The following FSIP1 variants were observed in gnomAD, a reference collection of about 807,000 sequenced individuals.
FSIP1 encodes fibrous sheath-interacting protein 1.
Under a neutral mutation model 60.9 loss-of-function variants are expected in FSIP1, and 65 were observed. The ratio of observed to expected loss-of-function variants is 1.07; its 90% CI spans 0.87 to 1.31. The LOEUF (loss-of-function observed/expected upper bound fraction) is 1.31, where lower values mean the gene tolerates loss of function less well. Among genes scored for constraint, FSIP1 ranks in the 40% most tolerant of loss-of-function variants. The pLI, the probability that FSIP1 is intolerant of heterozygous loss-of-function variation, is 0.00. For missense variants in FSIP1, 675 were observed against 665.5 expected (o/e 1.01, Z -0.16); for synonymous variants, 209 against 221.2 (o/e 0.94, Z 0.49).
intron 10 of FSIP1, among the ~76,000 whole-genome samples, chr15:39,626,880 G>A (rs909312706): frequency 1.3e-5 from 2 of 152,106 alleles, no homozygotes; most frequent in African/African-American, 4.8e-5. Context: ...CCAGAGACAT[G>A]AGCCCTTAAT....
intron 10 of FSIP1, among the ~76,000 whole-genome samples, chr15:39,635,821 C>T (rs1243723694): frequency 6.6e-6 from 1 of 152,122 alleles, no homozygotes; most frequent in African/African-American, 2.4e-5. Context: ...GGTGCTGCTG[C>T]TTAAGCTCTA....
intron 5 of FSIP1, among the ~76,000 whole-genome samples, chr15:39,755,263 G>T (rs1427440982): frequency 6.6e-6 from 1 of 152,044 alleles, no homozygotes. Flanking sequence ...TGAAAGGGAT[G>T]GGATGTTACT....
chr15:39,774,160 G>A (rs573992846), intron 2 of FSIP1, among the ~76,000 whole-genome samples: 8 of 152,202 alleles, frequency 5.3e-5, no homozygotes, highest in East Asian at 3.9e-4. Context: ...AACCCCAACC[G>A]GATTTTTCAG....
intron 10 of FSIP1, among the ~76,000 whole-genome samples, chr15:39,697,030 T>C (rs1202464193): frequency 6.6e-6 from 1 of 152,112 alleles, no homozygotes; most frequent in African/African-American, 2.4e-5. Flanking sequence ...AATTTTTCTT[T>C]TCTTCTTTAT....
intron 3 of FSIP1, among the ~76,000 whole-genome samples, chr15:39,769,847 T>C (rs935115538): frequency 7.2e-5 from 11 of 152,180 alleles, no homozygotes; most frequent in Admixed American, 6.5e-4. Flanking sequence ...ATACCATCAG[T>C]GCAAATGTCA....
At chr15:39,658,659 C>T (rs1893170540) in intron 10 of FSIP1, among the ~76,000 whole-genome samples, 2 of 152,158 alleles carry the variant, frequency 1.3e-5, no homozygotes, top group African/African-American at 2.4e-5. Flanking sequence ...TTAAGATAGA[C>T]ATAGCAATAC....
intron 8 of FSIP1, among the ~76,000 whole-genome samples, chr15:39,728,232 A>G (rs1391048396): frequency 1.3e-5 from 2 of 152,254 alleles, no homozygotes; most frequent in Non-Finnish European, 2.9e-5. Flanking sequence ...TACAGATTCA[A>G]TGCTATTCCT....
intron 9 of FSIP1, 111 bp downstream of exon 9, chr15:39,726,478 T>G (rs1896199179): frequency 9.3e-7 from 1 of 1,078,166 alleles, no homozygotes. Context: ...ATACACACTG[T>G]TATGAAACTA....
intron 1 of FSIP1, 113 bp from the exon 2 acceptor site, chr15:39,776,644 A>T (rs996543586): frequency 9.5e-6 from 9 of 948,272 alleles, no homozygotes; most frequent in Non-Finnish European, 1.4e-5. Flanking sequence ...TTATGTTGCT[A>T]CTGAAGTCAC....
At chr15:39,650,009 C>G (rs950119245) in intron 10 of FSIP1, among the ~76,000 whole-genome samples, 1 of 152,244 alleles carries the variant, frequency 6.6e-6, no homozygotes, top group African/African-American at 2.4e-5. Flanking sequence ...CTCTCTTCAG[C>G]TGTGCTGATT....
At chr15:39,718,315 CAT>C (rs1167876476) in intron 9 of FSIP1, among the ~76,000 whole-genome samples, 1 of 149,520 alleles carries the variant, frequency 6.7e-6, no homozygotes, top group Non-Finnish European at 1.5e-5. Flanking sequence ...TGTGTGTGTA[CAT>C]ATATATGTGT....
In FSIP1 at chr15:39,693,474, G is replaced by A. The variant is rs114656221; in HGVS notation, c.1188+19970C>T. Among the ~76,000 whole-genome samples the A allele has an allele frequency of 2.4e-3, 369 of 152,302 alleles. 1 individual carries two copies. The highest frequency in any genetic ancestry group is 3.7e-3 in the Non-Finnish European group (251 of 68,032). On this transcript the variant is annotated intron_variant, in intron 10 of 11. Transcript: ENST00000350221. ...TTTGACTGCTACAATAAGTCTCTGCGAAGGAATCAAGCTGAACGCATGGTT... is the reference window on the plus strand; with the variant it reads ...TTTGACTGCTACAATAAGTCTCTGCAAAGGAATCAAGCTGAACGCATGGTT...
intron 9 of FSIP1, among the ~76,000 whole-genome samples, chr15:39,724,632 T>C (rs1896119350): frequency 6.6e-6 from 1 of 152,162 alleles, no homozygotes; most frequent in African/African-American, 2.4e-5. Flanking sequence ...GAGAAGGAAA[T>C]AAAGGTCACC....
Position 39,657,532 on chromosome 15 carries a change from C to T in FSIP1, c.1189-39287G>A, listed in dbSNP as rs1441561485. On this transcript the variant is annotated intron_variant, in intron 10 of 11. Transcript: ENST00000350221. ...TGTTCTTGGAGAAAAACTTGGCACA[C>T]CTTTAAAGCAGTAGTGAACTTCCCA... is the stretch of plus-strand genomic sequence containing the variant. 4.6e-5 allele frequency among the ~76,000 whole-genome samples: 7 copies of T among 152,172 alleles called. 1 individual carries two copies. Among genetic ancestry groups the T allele is most frequent in the Admixed American group, 4.6e-4 (7 of 15,280 alleles).
Position 39,738,148 on chromosome 15 carries a change from C to G in FSIP1, c.834G>C (p.Arg278Ser). The part of the protein sequence containing the change: ...PVVMVDREKK[R>S]LVELLKDLDE... ...CCAAGTCCTTCAAAAGCTCAACCAGCCTTTTCTTCTCTCTGTCAACCATAA... is the reference window on the plus strand; with the variant it reads ...CCAAGTCCTTCAAAAGCTCAACCAGGCTTTTCTTCTCTCTGTCAACCATAA... Residue 278 changes from arginine (R) to serine (S), a missense_variant, in exon 8 of 12, where the codon AGG (arginine) becomes AGC (serine). Coordinates refer to ENST00000350221, the MANE Select transcript of FSIP1 (RefSeq NM_152597.5). The G allele has an allele frequency of 6.2e-7, 1 of 1,613,554 alleles. No homozygotes were observed. Among genetic ancestry groups the G allele is most frequent in the Non-Finnish European group, 8.5e-7 (1 of 1,179,798 alleles).
chr15:39,650,744 A>G (rs888710112), intron 10 of FSIP1, among the ~76,000 whole-genome samples: 1 of 152,236 alleles, frequency 6.6e-6, no homozygotes, highest in African/African-American at 2.4e-5. Context: ...TTAAATAAGT[A>G]TTCACTGTAC....
At chr15:39,622,994 T>C (rs1470576416) in intron 10 of FSIP1, among the ~76,000 whole-genome samples, 1 of 152,084 alleles carries the variant, frequency 6.6e-6, no homozygotes, top group Non-Finnish European at 1.5e-5. Context: ...CAAACATATA[T>C]AGTGCCCTCT....
rs1359288053 is a variant in FSIP1 at position 39,655,549 on chromosome 15, A to T, written c.1189-37304T>A. Among the ~76,000 whole-genome samples, 5 of 152,296 alleles carry T rather than the reference A, an allele frequency of 3.3e-5. No homozygotes were observed. The East Asian group carries it at 5.8e-4, about 18-fold the overall frequency. ...AGCAAACATTTATTGAATGCCCACTACAAAGTTCAGTGTTGTAACGACTGA... is the reference window on the plus strand; with the variant it reads ...AGCAAACATTTATTGAATGCCCACTTCAAAGTTCAGTGTTGTAACGACTGA... On this transcript the variant is annotated intron_variant, in intron 10 of 11. Transcript: ENST00000350221.
chr15:39,773,908 A>T (rs778092543), intron 2 of FSIP1, among the ~76,000 whole-genome samples: 79 of 152,328 alleles, frequency 5.2e-4, no homozygotes, highest in Non-Finnish European at 1.0e-3. Context: ...GTTTTCAGGG[A>T]TGATGGAACA....
Sources: allele counts gnomAD v4.1 joint callset (sites outside exome capture counted in the v4.1 genomes callset), GRCh38; gene constraint gnomAD v4.1.1; transcripts MANE v1.5; gene names NCBI Gene and HGNC (gene_info 2026-07-23, HGNC 2026-07-21).